Variants in PCDHGB1 observed in about 807,000 individuals in gnomAD.
PCDHGB1 encodes protocadherin gamma subfamily B, 1.
In PCDHGB1, 34 loss-of-function variants were observed where a neutral mutation model predicts 56.6. The observed-to-expected ratio is 0.60, with a 90% CI of 0.46 to 0.80. PCDHGB1 has a LOEUF of 0.80. PCDHGB1 is among the 30% of genes least tolerant of loss of function. The probability of loss-of-function intolerance (pLI) is 0.00; values close to 1 mark genes in which losing one functional copy is unlikely to be tolerated. For missense variants in PCDHGB1, 1,278 were observed against 1,204.6 expected (o/e 1.06, Z -0.90); for synonymous variants, 561 against 505.9 (o/e 1.11, Z -1.46).
At chr5:141,428,255 G>C in intron 1 of PCDHGB1, 1 of 875,580 alleles carries the variant, frequency 1.1e-6, no homozygotes, top group Non-Finnish European at 1.8e-6. Flanking sequence ...CCAGACTTCA[G>C]TGACAGTCCT....
chr5:141,419,072 G>C (rs17208397), intron 1 of PCDHGB1: 242,774 of 1,613,756 alleles, frequency 0.15, 19,855 homozygotes, highest in Non-Finnish European at 0.17. Context: ...CTACAAGCTA[G>C]TAACAGATGA....
intron 1 of PCDHGB1, among the ~76,000 whole-genome samples, chr5:141,368,504 G>A (rs567370495): frequency 3.0e-4 from 45 of 152,138 alleles, no homozygotes; most frequent in Non-Finnish European, 5.3e-4. Context: ...AGTAGGTGTC[G>A]ACATTATTCA....
intron 1 of PCDHGB1, among the ~76,000 whole-genome samples, chr5:141,387,171 G>A (rs1194101631): frequency 6.6e-6 from 1 of 152,156 alleles, no homozygotes; most frequent in Non-Finnish European, 1.5e-5. Flanking sequence ...AGTATAAATT[G>A]CACCTTCTAA....
chr5:141,370,026 T>G (rs969820845), intron 1 of PCDHGB1, among the ~76,000 whole-genome samples: 1 of 152,354 alleles, frequency 6.6e-6, no homozygotes, highest in Non-Finnish European at 1.5e-5. Context: ...ACTAAAGATA[T>G]AGTAAGTATA....
At position 141,489,084 on chromosome 5, in the gene PCDHGB1, C is replaced by CCGG; in HGVS notation, c.2410-5723_2410-5722insCGG. ...CTCCCCCCTGCCCACCCCCGCCACT[C>CCGG]GGTGACTAAGAACTGCTGCAAGCAG... On this transcript the variant is annotated intron_variant, in intron 1 of 3. Coordinates refer to ENST00000523390, the MANE Select transcript of PCDHGB1 (RefSeq NM_018922.3). This position sits in a 1 kb window ranked among gnomAD's most constrained non-coding sequence, Gnocchi z 4.5. The CCGG allele has an allele frequency of 3.0e-6, 1 of 329,134 alleles. No homozygotes were observed. The highest frequency in any genetic ancestry group is 2.5e-5 in the African/African-American group (1 of 40,384). 20.4% of individuals were successfully genotyped at this position (329,134 alleles called of 1,614,324 possible). A position where few individuals can be genotyped will look rare whatever the true frequency, so the allele number is the denominator to read the frequency against.
intron 1 of PCDHGB1, among the ~76,000 whole-genome samples, chr5:141,448,196 A>G (rs753761675): frequency 1.3e-5 from 2 of 152,176 alleles, no homozygotes; most frequent in Non-Finnish European, 2.9e-5. Context: ...TACACTTACA[A>G]ACATTTTCTG....
intron 1 of PCDHGB1, chr5:141,410,390 G>A: frequency 6.2e-7 from 1 of 1,614,012 alleles, no homozygotes; most frequent in South Asian, 1.1e-5. Flanking sequence ...CTTCCATCCT[G>A]GTCTCTGTGT....
rs772878086 is a variant in PCDHGB1, at chr5:141,352,400, T to C, written c.2140T>C (p.Ser714Pro). 1.9e-5 allele frequency: 31 copies of C among 1,613,892 alleles called. No homozygotes were observed. Among genetic ancestry groups the C allele is most frequent in the East Asian group, 4.5e-5 (2 of 44,896 alleles). ...AGCGATCGCCCTGCGCCTGCGACGT[T>C]CCTCCAGCCTCGACACTGAGGGCTG... ...ILAIALRLRR[S>P]SSLDTEGCFQ... The change falls in exon 1 of 4, where the codon TCC becomes CCC. Residue 714 changes from serine to proline, a missense_variant. Transcript: ENST00000523390.
chr5:141,459,827 A>T (rs779024675), intron 1 of PCDHGB1, among the ~76,000 whole-genome samples: 1 of 152,126 alleles, frequency 6.6e-6, no homozygotes, highest in Non-Finnish European at 1.5e-5. Context: ...GCAACTTTTC[A>T]TGTGTTGTCT....
chr5:141,420,269 A>C, intron 1 of PCDHGB1: 1 of 1,544,558 alleles, frequency 6.5e-7, no homozygotes, highest in Non-Finnish European at 8.8e-7. Flanking sequence ...GAAGATTCTT[A>C]AACAGGTAAG....
At chr5:141,472,369 G>A (rs1194465676) in intron 1 of PCDHGB1, among the ~76,000 whole-genome samples, 2 of 151,770 alleles carry the variant, frequency 1.3e-5, no homozygotes, top group Admixed American at 6.6e-5. Flanking sequence ...GTGAAACCCC[G>A]TCTCCACTAA....
intron 1 of PCDHGB1, among the ~76,000 whole-genome samples, chr5:141,401,533 C>T (rs998579261): frequency 5.9e-5 from 9 of 151,790 alleles, no homozygotes; most frequent in South Asian, 2.1e-4. Context: ...AAGAAACTTA[C>T]AAAAAAAAGG....
At position 141,500,878 on chromosome 5, in the gene PCDHGB1, T is replaced by A. The variant is rs545375199; in HGVS notation, c.2469-4515T>A. On this transcript the variant is annotated intron_variant, in intron 2 of 3. Transcript: ENST00000523390. The stretch of plus-strand genomic sequence containing the variant: ...AGAAAACATACACATTCATTTACAA[T>A]TTTTTTTTTTTGAGACAGTCTCGCT... Among the ~76,000 whole-genome samples, 20 of 92,410 alleles carry A rather than the reference T, an allele frequency of 2.2e-4. 1 individual carries two copies. The East Asian group carries it at 4.8e-3, about 22-fold the overall frequency. The allele number at this position is 92,410 out of a possible 152,430, so 60.6% of individuals were successfully genotyped here.
intron 1 of PCDHGB1, chr5:141,441,809 C>A: frequency 2.7e-6 from 1 of 373,176 alleles, no homozygotes; most frequent in East Asian, 9.0e-5. Context: ...GGGTGCTGTA[C>A]CCCAGCTCTG....
rs543335678 is a variant in PCDHGB1 at position 141,365,777 on chromosome 5, G to A, written c.2409+13108G>A. ...GACAGCCCATGACCCCGACAGCGGC[G>A]ACAACGCTCGAGTCACCTACTCCCT... On this transcript the variant is annotated intron_variant, in intron 1 of 3. Transcript: ENST00000523390. 6.8e-6 allele frequency: 11 copies of A among 1,613,736 alleles called. No homozygotes were observed. In the South Asian group the frequency reaches 9.9e-5, roughly 14 times the overall value.
intron 1 of PCDHGB1, chr5:141,414,562 A>G (rs770740530): frequency 3.1e-6 from 5 of 1,613,924 alleles, no homozygotes; most frequent in Non-Finnish European, 4.2e-6. Context: ...CTCCTACTTT[A>G]CCTATATCCC....
chr5:141,455,343 G>A (rs1462807460), intron 1 of PCDHGB1, among the ~76,000 whole-genome samples: 1 of 152,036 alleles, frequency 6.6e-6, no homozygotes, highest in African/African-American at 2.4e-5. Flanking sequence ...TTTAAGGAGC[G>A]GAGAGTTTAA....
Position 141,383,322 on chromosome 5 carries a change from A to G in PCDHGB1, c.2409+30653A>G, listed in dbSNP as rs369432251. 6.8e-6 allele frequency: 11 copies of G among 1,613,876 alleles called. No homozygotes were observed. The African/African-American group carries it at 1.3e-4, about 20-fold the overall frequency. ...TCTTGACGGAAGAAATAAATGTAAA[A>G]ATAATGGAGAATACAGCTCCTGGGG... is the stretch of plus-strand genomic sequence containing the variant. On this transcript the variant is annotated intron_variant, in intron 1 of 3. Coordinates refer to ENST00000523390, the MANE Select transcript of PCDHGB1 (RefSeq NM_018922.3).
At chr5:141,392,010 A>T (rs949188518) in intron 1 of PCDHGB1, 1 of 152,234 alleles carries the variant, frequency 6.6e-6, no homozygotes, top group African/African-American at 2.4e-5. Context: ...TGCAATGGTA[A>T]AAGCATTTAT....
Sources: allele counts gnomAD v4.1 joint callset (sites outside exome capture counted in the v4.1 genomes callset), GRCh38; gene constraint gnomAD v4.1.1; non-coding constraint Gnocchi (gnomAD v3.1); transcripts MANE v1.5; gene names NCBI Gene and HGNC (gene_info 2026-07-23, HGNC 2026-07-21).